The following MFAP3L variants were observed in gnomAD, a reference collection of about 807,000 sequenced individuals.
The protein encoded by MFAP3L is microfibrillar-associated protein 3-like.
In MFAP3L, 5 loss-of-function variants were observed where a neutral mutation model predicts 20.0. The ratio of observed to expected loss-of-function variants is 0.25; its 90% CI spans 0.13 to 0.53. The LOEUF (loss-of-function observed/expected upper bound fraction) is 0.53. Among genes scored for constraint, MFAP3L ranks in the 20% least tolerant of loss-of-function variants. The pLI is 0.96. For missense variants in MFAP3L, 409 were observed against 527.5 expected, an observed-to-expected ratio of 0.78 and a Z score of 2.20; for synonymous variants, 219 against 213.0, an observed-to-expected ratio of 1.03 and a Z score of -0.25.
At chr4:170,026,180 G>T in intron 1 of MFAP3L, 54 bp downstream of exon 1, 1 of 961,770 alleles carries the variant, frequency 1.0e-6, no homozygotes, top group Non-Finnish European at 1.2e-6. Context: ...CCCGGTGCGG[G>T]GCTGGCTCCC....
chr4:170,016,555 G>A (rs1455758902), intron 1 of MFAP3L, among the ~76,000 whole-genome samples: 2 of 152,120 alleles, frequency 1.3e-5, no homozygotes, highest in South Asian at 4.1e-4. Flanking sequence ...TAACTACTAC[G>A]TGTTTACATA....
intron 1 of MFAP3L, among the ~76,000 whole-genome samples, chr4:170,017,802 A>C (rs1480573883): frequency 6.6e-6 from 1 of 152,196 alleles, no homozygotes; most frequent in Non-Finnish European, 1.5e-5. Context: ...AGAAAGCTGA[A>C]AATAGGGATT....
rs1180957175 is a variant in MFAP3L, at chr4:169,992,479, T to C, written c.299-170A>G. ...GCAGGCAGTGACATGCATCAGCTCATTTAATCCTCACAATAACTCTGCAAG... is the reference window on the plus strand; with the variant it reads ...GCAGGCAGTGACATGCATCAGCTCACTTAATCCTCACAATAACTCTGCAAG... On this transcript the variant is annotated intron_variant, in intron 2 of 2. Transcript: ENST00000361618. This position sits in a 1 kb window ranked among gnomAD's most constrained non-coding sequence, Gnocchi z 4.3. Among the ~76,000 whole-genome samples, 3 of 152,210 alleles carry C rather than the reference T, an allele frequency of 2.0e-5. No individual in the cohort carries two copies. Among genetic ancestry groups the C allele is most frequent in the Non-Finnish European group, 4.4e-5 (3 of 68,034 alleles).
chr4:170,023,601 T>A (rs999444228), intron 1 of MFAP3L, among the ~76,000 whole-genome samples: 2 of 152,204 alleles, frequency 1.3e-5, no homozygotes, highest in African/African-American at 4.8e-5. Context: ...GAAAACATTG[T>A]CAAAGTTTTA....
chr4:170,004,612 C>G (rs148224561), intron 2 of MFAP3L, among the ~76,000 whole-genome samples: 1 of 152,130 alleles, frequency 6.6e-6, no homozygotes, highest in Non-Finnish European at 1.5e-5. Context: ...AGGAGATATA[C>G]AGCATTAGCC....
At chr4:170,005,482 T>G in intron 2 of MFAP3L, 98 bp downstream of exon 2, 1 of 1,312,382 alleles carries the variant, frequency 7.6e-7, no homozygotes, top group South Asian at 1.4e-5. Flanking sequence ...GATGAGATCT[T>G]TAAATCATTT....
Position 169,988,239 on chromosome 4 carries a change from G to A in MFAP3L, c.*3139C>T, listed in dbSNP as rs1737408770. 1.3e-5 allele frequency: 2 copies of A among 152,042 alleles called. No individual in the cohort carries two copies. Among genetic ancestry groups the A allele is most frequent in the Non-Finnish European group, 2.9e-5 (2 of 68,000 alleles). The allele number at this position is 152,042 out of a possible 1,614,324, so 9.4% of individuals were successfully genotyped here. Reference sequence around the variant, plus strand: ...GAGGATAGATGTGCCCTAGAGATATGAAAATATAATATATAAAACAAAACC... The same window carrying A: ...GAGGATAGATGTGCCCTAGAGATATAAAAATATAATATATAAAACAAAACC... On this transcript the variant is annotated 3_prime_UTR_variant, in exon 3 of 3. Coordinates refer to ENST00000361618, the MANE Select transcript of MFAP3L (RefSeq NM_021647.8).
At chr4:169,995,474 T>C (rs999794896) in intron 2 of MFAP3L, among the ~76,000 whole-genome samples, 2 of 152,202 alleles carry the variant, frequency 1.3e-5, no homozygotes, top group Non-Finnish European at 2.9e-5. Context: ...AAACTAAAGA[T>C]GGTGCAAATT....
chr4:169,997,504 G>C (rs928672330), intron 2 of MFAP3L, among the ~76,000 whole-genome samples: 1 of 152,158 alleles, frequency 6.6e-6, no homozygotes, highest in Non-Finnish European at 1.5e-5. Context: ...ATGGGAAAAG[G>C]CTATGAACAG....
At chr4:170,016,071 T>G (rs1046243167) in intron 1 of MFAP3L, among the ~76,000 whole-genome samples, 1 of 152,220 alleles carries the variant, frequency 6.6e-6, no homozygotes, top group Non-Finnish European at 1.5e-5. Flanking sequence ...TATTCAAATA[T>G]TGTTGATTGT....
chr4:170,027,220 C>CTTTTTTTTT (rs746561915), upstream of MFAP3L: 5 of 133,014 alleles, frequency 3.8e-5, no homozygotes, highest in Non-Finnish European at 1.6e-5. Flanking sequence ...CCTTATCTCC[C>CTTTTTTTTT]TTTTTTTTTT....
intron 2 of MFAP3L, among the ~76,000 whole-genome samples, chr4:169,993,043 A>C (rs551916682): frequency 6.6e-6 from 1 of 152,256 alleles, no homozygotes; most frequent in Non-Finnish European, 1.5e-5. Context: ...AATAAGCTTG[A>C]CACGAAGGAG....
intron 2 of MFAP3L, among the ~76,000 whole-genome samples, chr4:169,998,921 C>T (rs1009298089): frequency 3.9e-5 from 6 of 152,144 alleles, no homozygotes; most frequent in African/African-American, 9.7e-5. Context: ...ACGAGGATTG[C>T]GTAGAATCGG....
Position 169,992,191 on chromosome 4 carries a change from G to A in MFAP3L, c.417C>T (p.Thr139=). ...CTCCAGAAGTGAAGATGACGCGCAA[G>A]GTCACCGTGTTGTTCACGGTGCCGT... ...NIYGTVNNTV[T]LRVIFTSGDM... Residue 139 remains threonine (T), a synonymous_variant, in exon 3 of 3, where the codon ACC becomes ACT. Transcript: ENST00000361618. This position sits in a 1 kb window ranked among gnomAD's most constrained non-coding sequence, Gnocchi z 4.3. 1 of 1,614,104 alleles carries A rather than the reference G, an allele frequency of 6.2e-7. No individual in the cohort carries two copies. The highest frequency in any genetic ancestry group is 8.5e-7 in the Non-Finnish European group (1 of 1,180,022).
Position 169,989,809 on chromosome 4 carries a change from A to G in MFAP3L, c.*1569T>C, listed in dbSNP as rs761255387. The G allele has an allele frequency of 1.3e-5, 2 of 152,210 alleles. No homozygotes were observed. Among genetic ancestry groups the G allele is most frequent in the African/African-American group, 4.8e-5 (2 of 41,456 alleles). The allele number at this position is 152,210 out of a possible 1,614,324, so 9.4% of individuals were successfully genotyped here. ...TTTGCTTTTAAGGGAAAATTAAATA[A>G]AACCACTCATTCTCACCAATATTAA... On this transcript the variant is annotated 3_prime_UTR_variant, in exon 3 of 3. Transcript: ENST00000361618.
intron 2 of MFAP3L, chr4:169,997,818 T>TTTTTTA (rs1553998620): frequency 1.9e-5 from 18 of 962,664 alleles, no homozygotes; most frequent in African/African-American, 8.9e-5. Context: ...TTTTTTTTTT[T>TTTTTTA]AATATTGCTG....
At chr4:170,001,838 A>C (rs1738643172) in intron 2 of MFAP3L, 2 of 784,864 alleles carry the variant, frequency 2.5e-6, no homozygotes, top group Admixed American at 6.2e-5. Flanking sequence ...GCCTCTCCTG[A>C]TCCTGTGGAA....
In MFAP3L at chr4:169,991,990, C is replaced by T; in HGVS notation, c.618G>A (p.Lys206=). 1 of 1,614,178 alleles carries T rather than the reference C, an allele frequency of 6.2e-7. No homozygotes were observed. The highest frequency in any genetic ancestry group is 1.1e-5 in the South Asian group (1 of 91,076). Residue 206 remains lysine (K), a synonymous_variant, in exon 3 of 3, where the codon AAG becomes AAA. Coordinates refer to ENST00000361618, the MANE Select transcript of MFAP3L (RefSeq NM_021647.8). The surrounding 1 kb of genome is among the most constrained non-coding windows in gnomAD (Gnocchi z 4.9). The part of the protein sequence containing the change: ...EKLQKAFEIA[K]RIPIITSAKT... ...TGGCGGAGGTGATGATGGGGATGCG[C>T]TTGGCGATCTCAAATGCCTTCTGCA...
At position 169,989,990 on chromosome 4, in the gene MFAP3L, C is replaced by T. The variant is rs1737544340; in HGVS notation, c.*1388G>A. ...AGATGAAAGCAAAAATCTTTAAAGT[C>T]ATTGTGAAAAGGAGCAAGGATGTGA... On this transcript the variant is annotated 3_prime_UTR_variant, in exon 3 of 3. Coordinates refer to ENST00000361618, the MANE Select transcript of MFAP3L (RefSeq NM_021647.8). The T allele has an allele frequency of 6.6e-6, 1 of 152,162 alleles. No homozygotes were observed. The allele number at this position is 152,162 out of a possible 1,614,324, so 9.4% of individuals were successfully genotyped here. A position where few individuals can be genotyped will look rare whatever the true frequency, so the allele number is the denominator to read the frequency against.
Sources: allele counts gnomAD v4.1 joint callset (sites outside exome capture counted in the v4.1 genomes callset), GRCh38; gene constraint gnomAD v4.1.1; non-coding constraint Gnocchi (gnomAD v3.1); transcripts MANE v1.5; gene names NCBI Gene and HGNC (gene_info 2026-07-23, HGNC 2026-07-21).